WDR5: variants seen among roughly 807,000 people sequenced by gnomAD.
WDR5 encodes WD repeat domain 5, also known as WD repeat-containing protein 5.
For missense variants in WDR5, 187 were observed against 416.9 expected, an observed-to-expected ratio of 0.45 and a Z score of 4.80; for synonymous variants, 144 against 161.6, an observed-to-expected ratio of 0.89 and a Z score of 0.83.
chr9:134,136,590 G>GGT (rs1363443833), intron 1 of WDR5, among the ~76,000 whole-genome samples: 2 of 152,160 alleles, frequency 1.3e-5, no homozygotes, highest in Non-Finnish European at 2.9e-5. Flanking sequence ...CCCTGGACGA[G>GGT]GTGCGCTTCC....
intron 5 of WDR5, 48 bp from the exon 6 acceptor site, chr9:134,142,285 G>C: frequency 6.3e-7 from 1 of 1,579,514 alleles, no homozygotes; most frequent in Non-Finnish European, 8.7e-7. Flanking sequence ...TGACTCTTAC[G>C]TTTGGGGAAA....
At chr9:134,142,930 T>C (rs773562065) in intron 7 of WDR5, among the ~76,000 whole-genome samples, 9 of 151,934 alleles carry the variant, frequency 5.9e-5, no homozygotes, top group Non-Finnish European at 1.2e-4. Flanking sequence ...GAGGGGGTGG[T>C]GAGGTGTCAG....
chr9:134,154,808 C>T (rs1832675710), intron 10 of WDR5, among the ~76,000 whole-genome samples: 1 of 152,246 alleles, frequency 6.6e-6, no homozygotes, highest in East Asian at 1.9e-4. Context: ...CAGGCCTAGC[C>T]ATCCCGCATG....
rs140125474 is a variant in WDR5, at chr9:134,154,397, G to A, written c.632-69G>A. 316 of 1,517,332 alleles carry A rather than the reference G, an allele frequency of 2.1e-4. 2 individuals carry two copies. In the African/African-American group the frequency reaches 2.7e-3, roughly 13 times the overall value. 94.0% of individuals were successfully genotyped at this position (1,517,332 alleles called of 1,614,324 possible). A position where few individuals can be genotyped will look rare whatever the true frequency, so the allele number is the denominator to read the frequency against. ...ATGTCGCACGTGGGGGATGGGGAGC[G>A]GGTCCCACCTCCTGTCCCTGCCTGG... is the stretch of plus-strand genomic sequence containing the variant. On this transcript the variant is annotated intron_variant, in intron 9 of 13. Transcript: ENST00000358625.
chr9:134,158,871 G>A lies in WDR5; in HGVS notation c.*878G>A, dbSNP rs1387516416. 1.3e-5 allele frequency: 2 copies of A among 152,220 alleles called. No homozygotes were observed. The allele number at this position is 152,220 out of a possible 1,614,324, so 9.4% of individuals were successfully genotyped here. A position where few individuals can be genotyped will look rare whatever the true frequency, so the allele number is the denominator to read the frequency against. On this transcript the variant is annotated 3_prime_UTR_variant, in exon 14 of 14. Transcript: ENST00000358625. ...AGTGTTGCTGGGGGCGGGGAACGGG[G>A]GTGGGGAGGTTCTTAGTTGCGAAGG... is the stretch of plus-strand genomic sequence containing the variant.
chr9:134,154,379 A>G (rs1832652902), intron 9 of WDR5, 87 bp from the exon 10 acceptor site: 1 of 1,371,840 alleles, frequency 7.3e-7, no homozygotes, highest in Non-Finnish European at 1.0e-6. Flanking sequence ...CAGATGTCGC[A>G]CGTGGGGGAT....
At position 134,158,170 on chromosome 9, in the gene WDR5, C is replaced by T; in HGVS notation, c.*177C>T. On this transcript the variant is annotated 3_prime_UTR_variant, in exon 14 of 14. Coordinates refer to ENST00000358625, the MANE Select transcript of WDR5 (RefSeq NM_017588.3). ...GGAAGGTGTGGACCACCGGAAAGTT[C>T]TTAAAAGTTGCTGGTGACATTTCTT... 1.7e-6 allele frequency: 1 copy of T among 575,238 alleles called. No homozygotes were observed. The highest frequency in any genetic ancestry group is 2.7e-4 in the Middle Eastern group (1 of 3,736). 35.6% of individuals were successfully genotyped at this position (575,238 alleles called of 1,614,324 possible). A position where few individuals can be genotyped will look rare whatever the true frequency, so the allele number is the denominator to read the frequency against.
At chr9:134,136,799 C>T (rs1421056364) in intron 1 of WDR5, among the ~76,000 whole-genome samples, 1 of 152,138 alleles carries the variant, frequency 6.6e-6, no homozygotes, top group East Asian at 1.9e-4. Context: ...GTTCCCGGAC[C>T]AAACAGAGGT....
rs375314842 is a variant in WDR5 at position 134,147,835 on chromosome 9, G to A, written c.529-453G>A. Among the ~76,000 whole-genome samples, 10 of 151,840 alleles carry A rather than the reference G, an allele frequency of 6.6e-5. No homozygotes were observed. In the East Asian group the frequency reaches 1.2e-3, roughly 18 times the overall value. On this transcript the variant is annotated intron_variant, in intron 7 of 13. Coordinates refer to ENST00000358625, the MANE Select transcript of WDR5 (RefSeq NM_017588.3). ...AGGAGTTCGAGACCAGCCTGGGCAA[G>A]ATAGGGAGACCCTGTTTCTCTTATG...
chr9:134,151,936 G>C (rs1281333602), intron 8 of WDR5, 47 bp from the exon 9 acceptor site: 1 of 1,601,316 alleles, frequency 6.2e-7, no homozygotes, highest in African/African-American at 1.3e-5. Flanking sequence ...GCCCGCGTGA[G>C]ATCATAACTT....
intron 4 of WDR5, 75 bp downstream of exon 4, chr9:134,141,658 T>C (rs1831894848): frequency 6.9e-7 from 1 of 1,448,504 alleles, no homozygotes; most frequent in Admixed American, 1.9e-5. Flanking sequence ...CAGGGCTGCT[T>C]CGAGAGCTGT....
intron 7 of WDR5, among the ~76,000 whole-genome samples, chr9:134,143,728 C>T (rs189766814): frequency 2.0e-5 from 3 of 151,708 alleles, no homozygotes; most frequent in Non-Finnish European, 4.4e-5. Flanking sequence ...GGGGTTTCAC[C>T]GTGGTTTCGA....
At chr9:134,136,446 C>G (rs1172373082) in intron 1 of WDR5, among the ~76,000 whole-genome samples, 1 of 152,004 alleles carries the variant, frequency 6.6e-6, no homozygotes, top group Non-Finnish European at 1.5e-5. Flanking sequence ...TCCGCCTCCC[C>G]GGCGGACCGC....
intron 11 of WDR5, 104 bp from the exon 12 acceptor site, chr9:134,155,589 G>T: frequency 7.4e-7 from 1 of 1,346,502 alleles, no homozygotes; most frequent in South Asian, 1.3e-5. Flanking sequence ...GTACTTTTCA[G>T]AAATAAGTGA....
chr9:134,139,309 C>T (rs1224206660), intron 1 of WDR5, among the ~76,000 whole-genome samples: 2 of 152,186 alleles, frequency 1.3e-5, no homozygotes, highest in African/African-American at 2.4e-5. Flanking sequence ...CCCCATGAGG[C>T]GTAGACCACT....
In WDR5 at chr9:134,158,306, G is replaced by A. The variant is rs887393125; in HGVS notation, c.*313G>A. 7.2e-5 allele frequency: 16 copies of A among 223,190 alleles called. No homozygotes were observed. Among genetic ancestry groups the A allele is most frequent in the Non-Finnish European group, 9.7e-5 (11 of 113,198 alleles). 13.8% of individuals were successfully genotyped at this position (223,190 alleles called of 1,614,324 possible). ...AAGGGTGAAGTTCAATTTAACATGC[G>A]TTGTGTTTTTTCAGTAAACGTTCTG... On this transcript the variant is annotated 3_prime_UTR_variant, in exon 14 of 14. Coordinates refer to ENST00000358625, the MANE Select transcript of WDR5 (RefSeq NM_017588.3).
chr9:134,141,422 T>C, intron 3 of WDR5, 88 bp from the exon 4 acceptor site: 1 of 1,305,208 alleles, frequency 7.7e-7, no homozygotes, highest in South Asian at 1.2e-5. Context: ...CACCTGGGAC[T>C]CATGTGGGAA....
intron 1 of WDR5, 43 bp from the exon 2 acceptor site, chr9:134,139,777 A>G (rs992280938): frequency 8.0e-6 from 10 of 1,256,032 alleles, no homozygotes; most frequent in South Asian, 1.3e-5. Flanking sequence ...TTTTTAAAAT[A>G]TAGTTTGTTT....
At chr9:134,141,423 CAT>C (rs68061460) in intron 3 of WDR5, 85 bp from the exon 4 acceptor site, 37,382 of 1,325,746 alleles carry the variant, frequency 0.028, 603 homozygotes, top group African/African-American at 0.054. Context: ...ACCTGGGACT[CAT>C]GTGGGAAAAG....
Sources: allele counts gnomAD v4.1 joint callset (sites outside exome capture counted in the v4.1 genomes callset), GRCh38; gene constraint gnomAD v4.1.1; transcripts MANE v1.5; gene names NCBI Gene and HGNC (gene_info 2026-07-23, HGNC 2026-07-21).